EMC7: variants seen among roughly 807,000 people sequenced by gnomAD.
EMC7 encodes endoplasmic reticulum membrane protein complex subunit 7.
EMC7 carries 4 observed loss-of-function variants against 24.4 expected under a neutral mutation model. That is an observed-to-expected ratio of 0.16 (90% CI 0.08 to 0.38). The LOEUF (loss-of-function observed/expected upper bound fraction) is 0.38, where lower values mean the gene tolerates loss of function less well. Ranked by LOEUF, EMC7 falls within the 10% of genes least tolerant of loss-of-function variation. The pLI is 1.00. For missense variants in EMC7, 221 were observed against 300.6 expected (o/e 0.74, Z 1.96); for synonymous variants, 106 against 112.0 (o/e 0.95, Z 0.34).
intron 4 of EMC7, among the ~76,000 whole-genome samples, chr15:34,085,756 A>T (rs1458706613): frequency 6.6e-6 from 1 of 152,160 alleles, no homozygotes; most frequent in South Asian, 2.1e-4. Flanking sequence ...ATTAAGAAAT[A>T]AATGTATATG....
chr15:34,094,536 A>G (rs548787778), intron 2 of EMC7, among the ~76,000 whole-genome samples: 1 of 151,986 alleles, frequency 6.6e-6, no homozygotes, highest in Non-Finnish European at 1.5e-5. Flanking sequence ...CTCCATCTCA[A>G]ACAAACAAAC....
chr15:34,088,713 C>A (rs1306059937), intron 3 of EMC7, among the ~76,000 whole-genome samples: 1 of 152,024 alleles, frequency 6.6e-6, no homozygotes, highest in Non-Finnish European at 1.5e-5. Flanking sequence ...ATCCAGTCTC[C>A]CCCCGCCTCT....
Position 34,084,364 on chromosome 15 carries a change from T to G in EMC7, c.699A>C (p.Thr233=). 6.2e-7 allele frequency: 1 copy of G among 1,613,284 alleles called. No homozygotes were observed. Among genetic ancestry groups the G allele is most frequent in the Non-Finnish European group, 8.5e-7 (1 of 1,179,376 alleles). The change falls in exon 5 of 5, where the codon ACA becomes ACC. Residue 233 remains threonine, a synonymous_variant. Transcript: ENST00000256545. The part of the protein sequence containing the change: ...SGKSSSGSSK[T]GKSGAGKRR ...TCCTTTTGCCAGCCCCACTTTTGCC[T>G]GTTTTACTGCTGCCGCTGCTAGATT...
chr15:34,100,062 T>G (rs1901150634), intron 1 of EMC7, among the ~76,000 whole-genome samples: 1 of 152,228 alleles, frequency 6.6e-6, no homozygotes, highest in Non-Finnish European at 1.5e-5. Flanking sequence ...GGAAAAATGG[T>G]AGGCACCGTG....
chr15:34,084,387 A>C lies in EMC7; in HGVS notation c.676T>G (p.Ser226Ala). The change falls in exon 5 of 5, where the codon TCT becomes GCT. Residue 226 changes from serine to alanine, a missense_variant. Coordinates refer to ENST00000256545, the MANE Select transcript of EMC7 (RefSeq NM_020154.3). ...RLFSSKSSGKSSSGSSKTGKS... is the reference protein window; with the variant it reads ...RLFSSKSSGKASSGSSKTGKS... ...CCTGTTTTACTGCTGCCGCTGCTAG[A>C]TTTGCCAGATGATTTTGAAGAGAAG... 6.2e-7 allele frequency: 1 copy of C among 1,613,780 alleles called. No homozygotes were observed. The highest frequency in any genetic ancestry group is 8.5e-7 in the Non-Finnish European group (1 of 1,179,740).
intron 1 of EMC7, among the ~76,000 whole-genome samples, chr15:34,099,038 A>G (rs938562351): frequency 1.3e-5 from 2 of 152,170 alleles, no homozygotes; most frequent in Admixed American, 1.3e-4. Flanking sequence ...AAACTGAGGA[A>G]ACATAAAAAT....
Position 34,098,063 on chromosome 15 carries a change from A to T in EMC7, c.237-2049T>A, listed in dbSNP as rs571325107. ...AAAAGTTAACTTATGCCTGGCCTGG[A>T]CATGTTCCATTTGCCCTCTAGATCC... On this transcript the variant is annotated intron_variant, in intron 1 of 4. Transcript: ENST00000256545. Among the ~76,000 whole-genome samples the T allele has an allele frequency of 2.6e-5, 4 of 152,158 alleles. No individual in the cohort carries two copies. The East Asian group carries it at 7.7e-4, about 29-fold the overall frequency.
intron 4 of EMC7, among the ~76,000 whole-genome samples, chr15:34,087,021 G>A (rs1042120856): frequency 6.6e-6 from 1 of 151,890 alleles, no homozygotes. Context: ...TAAGAAATAA[G>A]ACAAATTTCT....
At chr15:34,093,085 T>C (rs1901004150) in intron 2 of EMC7, among the ~76,000 whole-genome samples, 1 of 152,210 alleles carries the variant, frequency 6.6e-6, no homozygotes, top group African/African-American at 2.4e-5. Flanking sequence ...ATGGTTGTTA[T>C]GGGTACTTAA....
chr15:34,090,395 T>A lies in EMC7; in HGVS notation c.417A>T (p.Gln139His). 6.2e-7 allele frequency: 1 copy of A among 1,614,094 alleles called. No individual in the cohort carries two copies. The highest frequency in any genetic ancestry group is 8.5e-7 in the Non-Finnish European group (1 of 1,179,988). The change falls in exon 3 of 5, where the codon CAA becomes CAT. Residue 139 changes from glutamine to histidine, a missense_variant. Physicochemically the swap from Gln to His is conservative, Grantham distance 24. Around this residue, in one of 2 missense-constraint regions of EMC7, gnomAD observed 156 missense variants for 177.1 expected, o/e 0.88. Transcript: ENST00000256545. ...AAGAAGGTGGACCTGAAGATTTCAT[T>A]TGGAGAGGATAGGGCAGTCTGACAA... ...SEVVRLPYPL[Q>H]MKSSGPPSYF...
chr15:34,091,191 T>C (rs528683920), intron 2 of EMC7, among the ~76,000 whole-genome samples: 8 of 152,342 alleles, frequency 5.3e-5, no homozygotes, highest in Admixed American at 3.3e-4. Flanking sequence ...TATTCTTTTT[T>C]CAAATATCTA....
chr15:34,084,258 T>C lies in EMC7; in HGVS notation c.*76A>G. ...GATGACTCAAGTTTATAGTAGTTGC[T>C]TCACACGGTTTTCCAAGACTTGGAT... On this transcript the variant is annotated 3_prime_UTR_variant, in exon 5 of 5. Transcript: ENST00000256545. 1 of 1,536,886 alleles carries C rather than the reference T, an allele frequency of 6.5e-7. No homozygotes were observed. The highest frequency in any genetic ancestry group is 8.8e-7 in the Non-Finnish European group (1 of 1,135,190).
chr15:34,084,218 A>C lies in EMC7; in HGVS notation c.*116T>G. 2 of 1,284,686 alleles carry C rather than the reference A, an allele frequency of 1.6e-6. No homozygotes were observed. The highest frequency in any genetic ancestry group is 2.1e-6 in the Non-Finnish European group (2 of 936,664). The allele number at this position is 1,284,686 out of a possible 1,614,324, so 79.6% of individuals were successfully genotyped here. A position where few individuals can be genotyped will look rare whatever the true frequency, so the allele number is the denominator to read the frequency against. On this transcript the variant is annotated 3_prime_UTR_variant, in exon 5 of 5. Transcript: ENST00000256545. The stretch of plus-strand genomic sequence containing the variant: ...TAAAAAGTTAACATACACAGTTGTA[A>C]GAGATCAACGTCGGGATGACTCAAG...
intron 4 of EMC7, among the ~76,000 whole-genome samples, chr15:34,085,121 T>G (rs983597315): frequency 6.6e-6 from 1 of 152,188 alleles, no homozygotes; most frequent in Non-Finnish European, 1.5e-5. Context: ...TAACTATATA[T>G]CAAGGTATCA....
At position 34,098,622 on chromosome 15, in the gene EMC7, A is replaced by AT. The variant is rs34981831; in HGVS notation, c.237-2609dup. On this transcript the variant is annotated intron_variant, in intron 1 of 4. Coordinates refer to ENST00000256545, the MANE Select transcript of EMC7 (RefSeq NM_020154.3). ...AGACTACCGCCAGTATGCCTGGCTGATTTTTTTTTTTTTTTTTTGTATTTT... is the reference window on the plus strand; with the variant it reads ...AGACTACCGCCAGTATGCCTGGCTGATTTTTTTTTTTTTTTTTTTGTATTTT... Among the ~76,000 whole-genome samples the AT allele has an allele frequency of 5.1e-3, 656 of 128,120 alleles. 5 individuals are homozygous for AT. Among genetic ancestry groups the AT allele is most frequent in the Non-Finnish European group, 7.2e-3 (444 of 61,922 alleles). 84.1% of individuals were successfully genotyped at this position (128,120 alleles called of 152,430 possible).
chr15:34,098,437 C>A lies in EMC7; in HGVS notation c.237-2423G>T, dbSNP rs909952283. Among the ~76,000 whole-genome samples, 9 of 149,832 alleles carry A rather than the reference C, an allele frequency of 6.0e-5. 1 individual carries two copies. Among genetic ancestry groups the A allele is most frequent in the African/African-American group, 2.2e-4 (9 of 40,552 alleles). ...CTTCTACTTCTTAATGGGACCCTGA[C>A]TGAACCAATTTCTTTCTTTCTTTTT... On this transcript the variant is annotated intron_variant, in intron 1 of 4. Transcript: ENST00000256545.
chr15:34,097,777 T>C (rs1291722827), intron 1 of EMC7, among the ~76,000 whole-genome samples: 1 of 152,184 alleles, frequency 6.6e-6, no homozygotes, highest in Non-Finnish European at 1.5e-5. Context: ...GAGACCATCC[T>C]GACTAATACG....
chr15:34,084,782 C>CATGT (rs1356695124), intron 4 of EMC7, among the ~76,000 whole-genome samples: 1 of 150,208 alleles, frequency 6.7e-6, no homozygotes, highest in East Asian at 2.0e-4. Context: ...TTTTAGGGTA[C>CATGT]ATGTGCACAA....
intron 2 of EMC7, among the ~76,000 whole-genome samples, chr15:34,093,037 G>A (rs538173822): frequency 3.9e-5 from 6 of 152,106 alleles, no homozygotes; most frequent in Non-Finnish European, 7.3e-5. Context: ...TTTAATTCAT[G>A]TAACTTACTA....
Sources: gnomAD v4.1 joint callset for allele counts (sites outside exome capture counted in the v4.1 genomes callset) on GRCh38, gnomAD v4.1.1 for gene constraint, gnomAD v4.1.1 regional missense constraint, MANE v1.5 for transcripts, NCBI Gene and HGNC (gene_info 2026-07-23, HGNC 2026-07-21) for gene names.